ALG8: variants seen among roughly 807,000 people sequenced by gnomAD.
ALG8 encodes dolichyl pyrophosphate Glc1Man9GlcNAc2 alpha-1,3-glucosyltransferase.
ALG8 carries 48 observed loss-of-function variants against 70.2 expected under a neutral mutation model. The ratio of observed to expected loss-of-function variants is 0.68; its 90% CI spans 0.54 to 0.87. The LOEUF is 0.87. ALG8 is among the 40% of genes least tolerant of loss of function. ALG8 has a pLI of 0.00. For missense variants in ALG8, 572 were observed against 608.7 expected, an observed-to-expected ratio of 0.94 and a Z score of 0.64; for synonymous variants, 234 against 229.0, an observed-to-expected ratio of 1.02 and a Z score of -0.20.
chr11:78,108,386 C>T (rs1860137782), intron 9 of ALG8, among the ~76,000 whole-genome samples: 2 of 151,984 alleles, frequency 1.3e-5, no homozygotes, highest in Admixed American at 6.6e-5. Context: ...GCAGGAGAAT[C>T]GCCACTGCAC....
chr11:78,112,277 C>T (rs1301592209), intron 8 of ALG8: 1 of 321,082 alleles, frequency 3.1e-6, no homozygotes, highest in Admixed American at 4.2e-5. Flanking sequence ...GACCCTGTCT[C>T]TAAAAATAAG....
In ALG8 at chr11:78,121,102, T is replaced by A. The variant is rs112109685; in HGVS notation, c.441A>T (p.Val147=). The change falls in exon 4 of 13, where the codon GTA becomes GTT. Residue 147 remains valine, a synonymous_variant. Transcript: ENST00000299626. ...ATAACCCGAAGTTCCACAGAAGTAA[T>A]ACCGACAGAATAAATTTTGGCTTTT... ...LTEKPKFILS[V]LLLWNFGLLI... 1,207 of 1,613,938 alleles carry A rather than the reference T, an allele frequency of 7.5e-4. No individual in the cohort carries two copies. Among genetic ancestry groups the A allele is most frequent in the Non-Finnish European group, 9.5e-4 (1,125 of 1,179,974 alleles).
chr11:78,107,950 G>A (rs1178984961), intron 9 of ALG8, among the ~76,000 whole-genome samples: 1 of 151,364 alleles, frequency 6.6e-6, no homozygotes, highest in Non-Finnish European at 1.5e-5. Context: ...TTCAAGACCA[G>A]CCTGGCCAAG....
At chr11:78,120,469 A>C (rs1860770880) in intron 4 of ALG8, among the ~76,000 whole-genome samples, 1 of 151,612 alleles carries the variant, frequency 6.6e-6, no homozygotes, top group African/African-American at 2.4e-5. Context: ...TAAGCCTCAG[A>C]GACATTCATC....
intron 5 of ALG8, among the ~76,000 whole-genome samples, chr11:78,118,386 C>T (rs1348560802): frequency 2.0e-5 from 3 of 152,006 alleles, no homozygotes; most frequent in East Asian, 1.9e-4. Flanking sequence ...GAGGCTGAGG[C>T]GGGCGGAACA....
intron 3 of ALG8, 108 bp downstream of exon 3, chr11:78,123,913 G>T: frequency 1.6e-6 from 2 of 1,215,236 alleles, no homozygotes; most frequent in Non-Finnish European, 1.2e-6. Context: ...TTTAGCATTT[G>T]CTATCATATA....
intron 8 of ALG8, among the ~76,000 whole-genome samples, chr11:78,110,961 G>T (rs2136895481): frequency 6.6e-6 from 1 of 152,258 alleles, no homozygotes; most frequent in East Asian, 1.9e-4. Context: ...CTCAGACAAG[G>T]CAACTGGCCC....
chr11:78,132,435 AT>A (rs1438816041), intron 1 of ALG8, among the ~76,000 whole-genome samples: 2 of 152,154 alleles, frequency 1.3e-5, no homozygotes, highest in African/African-American at 4.8e-5. Flanking sequence ...GAGCCAAAAA[AT>A]ATTTTATAAA....
At chr11:78,133,124 C>G (rs911021363) in intron 1 of ALG8, among the ~76,000 whole-genome samples, 1 of 152,170 alleles carries the variant, frequency 6.6e-6, no homozygotes, top group African/African-American at 2.4e-5. Flanking sequence ...CGTGAGCCAC[C>G]ACACCCAGCC....
chr11:78,127,802 C>G (rs1277844353), intron 1 of ALG8, among the ~76,000 whole-genome samples: 4 of 151,696 alleles, frequency 2.6e-5, no homozygotes, highest in African/African-American at 9.7e-5. Context: ...TGCCGCCCCC[C>G]GGGTTCACGC....
intron 1 of ALG8, among the ~76,000 whole-genome samples, chr11:78,134,471 T>C (rs946060377): frequency 2.6e-5 from 4 of 152,188 alleles, no homozygotes; most frequent in Non-Finnish European, 5.9e-5. Flanking sequence ...AAAACAACAA[T>C]GAAGCTTGCC....
chr11:78,111,010 T>C (rs117282105), intron 8 of ALG8, among the ~76,000 whole-genome samples: 1,664 of 152,326 alleles, frequency 0.011, 13 homozygotes, highest in Middle Eastern at 0.027. Context: ...AAGCTTTTTT[T>C]GAAATATGAA....
chr11:78,121,321 T>A, intron 3 of ALG8, 147 bp from the exon 4 acceptor site: 1 of 694,458 alleles, frequency 1.4e-6, no homozygotes. Context: ...TTCTTTTTCT[T>A]TTTTTAGAAG....
intron 2 of ALG8, among the ~76,000 whole-genome samples, chr11:78,127,156 T>G (rs1861116028): frequency 6.6e-6 from 1 of 152,030 alleles, no homozygotes; most frequent in African/African-American, 2.4e-5. Flanking sequence ...TTTTTGTATT[T>G]TTAGTAGAGA....
chr11:78,102,951 CAAAAAA>C, intron 12 of ALG8: 2 of 118,866 alleles, frequency 1.7e-5, no homozygotes, highest in Non-Finnish European at 3.6e-5. Context: ...AACTCCGTCT[CAAAAAA>C]AAAAAAAAAA....
At chr11:78,138,809 A>C in intron 1 of ALG8, 1 of 456,270 alleles carries the variant, frequency 2.2e-6, no homozygotes, top group African/African-American at 2.0e-5. Context: ...GTGGTCTTCG[A>C]AACCCTGTGT....
chr11:78,126,976 G>A (rs1300028316), intron 2 of ALG8, among the ~76,000 whole-genome samples: 1 of 143,340 alleles, frequency 7.0e-6, no homozygotes, highest in Non-Finnish European at 1.5e-5. Flanking sequence ...ATCTATGATT[G>A]CAAGAAAATT....
chr11:78,133,900 CAA>C (rs59434881), intron 1 of ALG8, among the ~76,000 whole-genome samples: 3 of 127,722 alleles, frequency 2.3e-5, no homozygotes, highest in Non-Finnish European at 3.4e-5. Flanking sequence ...GACTCCGTCT[CAA>C]AAAAAAAAAA....
intron 8 of ALG8, among the ~76,000 whole-genome samples, chr11:78,111,499 T>A (rs886303385): frequency 2.0e-5 from 3 of 152,214 alleles, no homozygotes; most frequent in Admixed American, 6.5e-5. Flanking sequence ...GTCATCAGAC[T>A]CTAGGTCTGG....
Sources: gnomAD v4.1 joint callset for allele counts (sites outside exome capture counted in the v4.1 genomes callset) on GRCh38, gnomAD v4.1.1 for gene constraint, MANE v1.5 for transcripts, NCBI Gene and HGNC (gene_info 2026-07-23, HGNC 2026-07-21) for gene names.